ANO6: variants seen among roughly 807,000 people sequenced by gnomAD.
ANO6 encodes anoctamin 6.
In ANO6, 106 loss-of-function variants were observed where a neutral mutation model predicts 117.5. The observed-to-expected ratio is 0.90, with a 90% CI of 0.77 to 1.06. ANO6 has a LOEUF of 1.06. ANO6 is among the 50% of genes least tolerant of loss of function. The pLI, the probability that ANO6 is intolerant of heterozygous loss-of-function variation, is 0.00. For missense variants in ANO6, 955 were observed against 1,121.1 expected (o/e 0.85, Z 2.12); for synonymous variants, 367 against 385.1 (o/e 0.95, Z 0.55).
intron 1 of ANO6, among the ~76,000 whole-genome samples, chr12:45,227,813 A>G (rs2137132576): frequency 6.6e-6 from 1 of 152,332 alleles, no homozygotes; most frequent in South Asian, 2.1e-4. Flanking sequence ...AAGGGTAATG[A>G]CAGTGGCTGT....
chr12:45,352,871 A>C (rs891727230), intron 7 of ANO6, among the ~76,000 whole-genome samples: 3 of 152,128 alleles, frequency 2.0e-5, no homozygotes, highest in African/African-American at 7.2e-5. Context: ...AATCTCTCAA[A>C]TTTCTTCTGG....
In ANO6 at chr12:45,362,324, G is replaced by A. The variant is rs113351271; in HGVS notation, c.998+4900G>A. On this transcript the variant is annotated intron_variant, in intron 8 of 19. Transcript: ENST00000320560. ...CTTATAATCCTTTTTATTTTTGTAA[G>A]AGTAACAGTAATGTTTCCCTTTTCA... Among the ~76,000 whole-genome samples, 1,353 of 152,018 alleles carry A rather than the reference G, an allele frequency of 8.9e-3. 16 individuals carry two copies. Among genetic ancestry groups the A allele is most frequent in the African/African-American group, 0.029 (1,214 of 41,534 alleles).
Position 45,429,681 on chromosome 12 carries a change from T to C in ANO6, c.*370T>C, listed in dbSNP as rs1307867153. 1.3e-5 allele frequency: 15 copies of C among 1,121,650 alleles called. No homozygotes were observed. In the East Asian group the frequency reaches 2.8e-4, roughly 21 times the overall value. The allele number at this position is 1,121,650 out of a possible 1,614,324, so 69.5% of individuals were successfully genotyped here. A position where few individuals can be genotyped will look rare whatever the true frequency, so the allele number is the denominator to read the frequency against. On this transcript the variant is annotated 3_prime_UTR_variant, in exon 20 of 20. Transcript: ENST00000320560. Reference sequence around the variant, plus strand: ...ATTCTCAGGCGCATGATCTCCTTTATTTTTAAGCCATGTTTCATTTCTTCA... The same window carrying C: ...ATTCTCAGGCGCATGATCTCCTTTACTTTTAAGCCATGTTTCATTTCTTCA...
At chr12:45,396,289 T>C (rs1942610790) in intron 12 of ANO6, among the ~76,000 whole-genome samples, 1 of 152,122 alleles carries the variant, frequency 6.6e-6, no homozygotes, top group South Asian at 2.1e-4. Context: ...TTAAAAGGGA[T>C]ATGAAGGACT....
chr12:45,430,058 G>C lies in ANO6; in HGVS notation c.*747G>C. The C allele has an allele frequency of 1.0e-6, 1 of 985,296 alleles. No individual in the cohort carries two copies. The highest frequency in any genetic ancestry group is 1.2e-6 in the Non-Finnish European group (1 of 829,908). The allele number at this position is 985,296 out of a possible 1,614,324, so 61.0% of individuals were successfully genotyped here. ...TGTTGACTGCTTTGCAGATCTCAAG[G>C]GAATAAAATGACAAAAGCAGGGAAA... On this transcript the variant is annotated 3_prime_UTR_variant, in exon 20 of 20. Transcript: ENST00000320560.
chr12:45,400,662 CAAGAG>C (rs1401977928), intron 12 of ANO6, among the ~76,000 whole-genome samples: 1 of 152,144 alleles, frequency 6.6e-6, no homozygotes, highest in Non-Finnish European at 1.5e-5. Flanking sequence ...TCCTAATACA[CAAGAG>C]AAGATATTGA....
chr12:45,424,602 G>A (rs1371513855), intron 19 of ANO6, among the ~76,000 whole-genome samples: 1 of 152,020 alleles, frequency 6.6e-6, no homozygotes, highest in Non-Finnish European at 1.5e-5. Flanking sequence ...CTCCCAAAGT[G>A]CTAGGATTAT....
intron 10 of ANO6, among the ~76,000 whole-genome samples, chr12:45,378,853 T>TA (rs1279351557): frequency 6.6e-6 from 1 of 152,198 alleles, no homozygotes. Flanking sequence ...GGATATTTAA[T>TA]GAGTATCTGC....
chr12:45,407,229 C>T (rs1039638343), intron 15 of ANO6, among the ~76,000 whole-genome samples: 2 of 152,108 alleles, frequency 1.3e-5, no homozygotes, highest in African/African-American at 4.8e-5. Flanking sequence ...TGATATGAGA[C>T]GGAAGCGCCA....
At chr12:45,352,294 A>G (rs2137459771) in intron 7 of ANO6, among the ~76,000 whole-genome samples, 1 of 152,180 alleles carries the variant, frequency 6.6e-6, no homozygotes, top group African/African-American at 2.4e-5. Flanking sequence ...CTCATAGCTA[A>G]TCTTGTTTCA....
At chr12:45,253,943 C>T (rs1045225096) in intron 1 of ANO6, among the ~76,000 whole-genome samples, 2 of 152,040 alleles carry the variant, frequency 1.3e-5, no homozygotes, top group African/African-American at 2.4e-5. Context: ...CCAAGGTGGG[C>T]GGATCATGAG....
chr12:45,281,795 T>A (rs1938745343), intron 1 of ANO6, among the ~76,000 whole-genome samples: 1 of 152,236 alleles, frequency 6.6e-6, no homozygotes, highest in Non-Finnish European at 1.5e-5. Context: ...AGTGGTTTCC[T>A]AATGGGAAGC....
At chr12:45,321,822 A>G (rs1461785936) in intron 2 of ANO6, among the ~76,000 whole-genome samples, 1 of 152,202 alleles carries the variant, frequency 6.6e-6, no homozygotes, top group Admixed American at 6.5e-5. Flanking sequence ...TCTGTGTGCA[A>G]CAGAAATGCT....
intron 3 of ANO6, among the ~76,000 whole-genome samples, chr12:45,334,316 A>G (rs1282761565): frequency 6.6e-6 from 1 of 151,988 alleles, no homozygotes; most frequent in Non-Finnish European, 1.5e-5. Context: ...GGAAATAATT[A>G]TTTTCTCATT....
chr12:45,314,579 T>C (rs1939959447), intron 2 of ANO6, among the ~76,000 whole-genome samples: 1 of 151,744 alleles, frequency 6.6e-6, no homozygotes, highest in Admixed American at 6.6e-5. Context: ...TGTGTATATC[T>C]ATATAAAATC....
intron 2 of ANO6, among the ~76,000 whole-genome samples, chr12:45,304,161 G>T (rs1252813919): frequency 2.6e-5 from 4 of 152,124 alleles, no homozygotes; most frequent in Non-Finnish European, 4.4e-5. Flanking sequence ...TGTACTCCCA[G>T]TTCCACAGTA....
At chr12:45,292,809 G>C (rs747305067) in intron 1 of ANO6, 22 of 1,508,312 alleles carry the variant, frequency 1.5e-5, no homozygotes, top group Non-Finnish European at 2.0e-5. Flanking sequence ...AAATATTGCT[G>C]TTTGTGGATG....
chr12:45,390,555 AT>A, intron 12 of ANO6, 57 bp downstream of exon 12: 2 of 1,421,440 alleles, frequency 1.4e-6, no homozygotes, highest in Non-Finnish European at 2.0e-6. Context: ...TATGTAACAG[AT>A]TTTTTTAATA....
chr12:45,371,566 C>A (rs1941836403), intron 9 of ANO6, among the ~76,000 whole-genome samples: 1 of 152,218 alleles, frequency 6.6e-6, no homozygotes, highest in South Asian at 2.1e-4. Context: ...GACCCCCGAG[C>A]AGCCTAACTG....
Sources: allele counts gnomAD v4.1 joint callset (sites outside exome capture counted in the v4.1 genomes callset), GRCh38; gene constraint gnomAD v4.1.1; transcripts MANE v1.5; gene names NCBI Gene and HGNC (gene_info 2026-07-23, HGNC 2026-07-21).